COL19A1: variants seen among roughly 807,000 people sequenced by gnomAD.
The protein encoded by COL19A1 is collagen type XIX alpha 1 chain, also known as collagen alpha-1(XIX) chain.
In COL19A1, 159 loss-of-function variants were observed where a neutral mutation model predicts 190.2. The observed-to-expected ratio is 0.84, with a 90% CI of 0.73 to 0.95. The LOEUF is 0.95. Ranked by LOEUF, COL19A1 falls within the 40% of genes least tolerant of loss-of-function variation. The pLI is 0.00. For synonymous variants in COL19A1, 509 were observed against 458.9 expected (o/e 1.11, Z -1.39); for missense variants, 1,418 against 1,431.9 (o/e 0.99, Z 0.16).
chr6:69,924,186 T>C (rs1772194091), intron 4 of COL19A1, among the ~76,000 whole-genome samples: 1 of 152,138 alleles, frequency 6.6e-6, no homozygotes, highest in Non-Finnish European at 1.5e-5. Context: ...ATGTGCCATG[T>C]TGGTGAGCTG....
chr6:70,074,671 C>G (rs1781770318), intron 15 of COL19A1, among the ~76,000 whole-genome samples: 1 of 152,032 alleles, frequency 6.6e-6, no homozygotes, highest in Non-Finnish European at 1.5e-5. Flanking sequence ...CTTACACAGG[C>G]TTGAATTTTA....
Position 70,176,518 on chromosome 6 carries a change from A to G in COL19A1, c.2623-2A>G. ...AGTAGCAATGTTTTTAAATCCCAAC[A>G]GGGAGATCGAGGCCCAGCAGGTCCC... On this transcript the variant is annotated splice_acceptor_variant, in intron 41 of 50. Transcript: ENST00000620364. LOFTEE classifies it high-confidence loss of function. The G allele has an allele frequency of 6.2e-7, 1 of 1,613,652 alleles. No homozygotes were observed. The highest frequency in any genetic ancestry group is 8.5e-7 in the Non-Finnish European group (1 of 1,179,744).
intron 14 of COL19A1, among the ~76,000 whole-genome samples, chr6:70,056,477 T>A (rs571118456): frequency 6.6e-6 from 1 of 152,270 alleles, no homozygotes; most frequent in South Asian, 2.1e-4. Context: ...ATTTTCTACA[T>A]TTCCTTTCTG....
chr6:69,967,621 A>C (rs149610439), intron 11 of COL19A1, among the ~76,000 whole-genome samples: 1 of 152,302 alleles, frequency 6.6e-6, no homozygotes, highest in African/African-American at 2.4e-5. Flanking sequence ...ATTGTTGGAA[A>C]ACTAGTTGTA....
At chr6:70,142,683 C>T (rs924704837) in intron 22 of COL19A1, 84 bp from the exon 23 acceptor site, 6 of 1,246,966 alleles carry the variant, frequency 4.8e-6, no homozygotes, top group Non-Finnish European at 5.7e-6. Flanking sequence ...GAAGATCACA[C>T]TATTCTTTAC....
chr6:70,166,497 G>T (rs117948538), intron 37 of COL19A1, among the ~76,000 whole-genome samples: 1 of 152,184 alleles, frequency 6.6e-6, no homozygotes, highest in Non-Finnish European at 1.5e-5. Context: ...ACAGATGCAC[G>T]CTCCGTCAGG....
chr6:69,911,749 C>G (rs1770935471), intron 4 of COL19A1, among the ~76,000 whole-genome samples: 1 of 152,184 alleles, frequency 6.6e-6, no homozygotes, highest in South Asian at 2.1e-4. Context: ...CCTCTCCTAG[C>G]CAGCCTCCTC....
intron 11 of COL19A1, among the ~76,000 whole-genome samples, chr6:70,001,736 G>T (rs559737171): frequency 6.6e-6 from 1 of 152,314 alleles, no homozygotes; most frequent in South Asian, 2.1e-4. Context: ...AGAATTTGCT[G>T]AAGTGGCTTA....
At chr6:70,115,820 G>GTTTT (rs1562188351) in intron 16 of COL19A1, among the ~76,000 whole-genome samples, 119 of 78,628 alleles carry the variant, frequency 1.5e-3, no homozygotes, top group African/African-American at 5.9e-3. Context: ...GTTTTTTGGT[G>GTTTT]TTTTGTTTTT....
At chr6:70,190,219 A>G (rs1052887936) in intron 47 of COL19A1, 96 bp from the exon 48 acceptor site, 57 of 894,302 alleles carry the variant, frequency 6.4e-5, no homozygotes, top group Non-Finnish European at 9.3e-5. Context: ...ATGCATCCCT[A>G]CAGAAGTTTC....
At chr6:70,199,001 C>T (rs1374204062) in intron 48 of COL19A1, among the ~76,000 whole-genome samples, 1 of 152,192 alleles carries the variant, frequency 6.6e-6, no homozygotes, top group Non-Finnish European at 1.5e-5. Flanking sequence ...GGTGACCTCA[C>T]TCCATGTCAA....
At chr6:70,198,409 C>T (rs1767341721) in intron 48 of COL19A1, among the ~76,000 whole-genome samples, 1 of 151,988 alleles carries the variant, frequency 6.6e-6, no homozygotes, top group Admixed American at 6.6e-5. Context: ...ATTTAAATTA[C>T]TAAGAGATTT....
rs553584350 is a variant in COL19A1 at position 70,035,838 on chromosome 6, G to T, written c.1135-66G>T. 6 of 1,374,520 alleles carry T rather than the reference G, an allele frequency of 4.4e-6. No individual in the cohort carries two copies. In the African/African-American group the frequency reaches 7.2e-5, roughly 17 times the overall value. The allele number at this position is 1,374,520 out of a possible 1,614,324, so 85.1% of individuals were successfully genotyped here. On this transcript the variant is annotated intron_variant, in intron 13 of 50. Coordinates refer to ENST00000620364, the MANE Select transcript of COL19A1 (RefSeq NM_001858.6). ...TCTATATATTGCTTCTATCCACCTA[G>T]AAATTTATAAATAATGTGCAAAAAG...
At chr6:70,109,032 A>G (rs1262499517) in intron 16 of COL19A1, among the ~76,000 whole-genome samples, 1 of 152,154 alleles carries the variant, frequency 6.6e-6, no homozygotes, top group Non-Finnish European at 1.5e-5. Flanking sequence ...GTGGTTAAAA[A>G]CACAAAGCAA....
intron 16 of COL19A1, among the ~76,000 whole-genome samples, chr6:70,112,938 C>T (rs1003566659): frequency 5.3e-5 from 8 of 152,252 alleles, no homozygotes; most frequent in East Asian, 3.9e-4. Flanking sequence ...CTGGAATACA[C>T]GGGGGAACGA....
At chr6:69,979,003 A>C (rs79610762) in intron 11 of COL19A1, among the ~76,000 whole-genome samples, 2,447 of 151,980 alleles carry the variant, frequency 0.016, 65 homozygotes, top group African/African-American at 0.049. Flanking sequence ...TGATTTCCTC[A>C]AAAAATATAA....
chr6:70,062,147 A>T (rs1010832799), intron 14 of COL19A1, among the ~76,000 whole-genome samples: 4 of 152,098 alleles, frequency 2.6e-5, no homozygotes, highest in Non-Finnish European at 5.9e-5. Flanking sequence ...AGTGATAAAT[A>T]CATAAATTTC....
intron 48 of COL19A1, among the ~76,000 whole-genome samples, chr6:70,199,260 G>A (rs1406037982): frequency 6.6e-6 from 1 of 152,174 alleles, no homozygotes; most frequent in Non-Finnish European, 1.5e-5. Context: ...GTGCCTTAAA[G>A]TTATTATGAA....
At chr6:70,063,322 G>A (rs1284942592) in intron 14 of COL19A1, among the ~76,000 whole-genome samples, 1 of 149,094 alleles carries the variant, frequency 6.7e-6, no homozygotes. Flanking sequence ...TCAGGATTAA[G>A]AAACTCACTC....
Sources: gnomAD v4.1 joint callset for allele counts (sites outside exome capture counted in the v4.1 genomes callset) on GRCh38, gnomAD v4.1.1 for gene constraint, MANE v1.5 for transcripts, NCBI Gene and HGNC (gene_info 2026-07-23, HGNC 2026-07-21) for gene names.